Variants in MYO15B observed in about 807,000 individuals in gnomAD.
The protein encoded by MYO15B is myosin XVB, also known as myosin XVB pseudogene.
Under a neutral mutation model 119.3 loss-of-function variants are expected in MYO15B, and 207 were observed. The observed-to-expected ratio is 1.73, with a 90% CI of 1.55 to 1.95. MYO15B has a LOEUF of 1.95. Ranked by LOEUF, MYO15B falls within the 30% of genes most tolerant of loss-of-function variation. MYO15B has a pLI of 0.00. For missense variants in MYO15B, 2,264 were observed against 1,203.1 expected (o/e 1.88, Z -13.04); for synonymous variants, 966 against 498.9 (o/e 1.94, Z -12.48).
intron 63 of MYO15B, 53 bp downstream of exon 63, chr17:75,626,281 C>A: frequency 1.4e-6 from 1 of 699,320 alleles, no homozygotes; most frequent in South Asian, 1.5e-5. Flanking sequence ...AGGGCCTTGC[C>A]CCAGCATGGC....
chr17:75,618,998 T>C (rs1370565387), intron 43 of MYO15B, 145 bp from the exon 44 acceptor site: 1 of 627,838 alleles, frequency 1.6e-6, no homozygotes. Context: ...CTGCCCCACC[T>C]AGGCCCTCTG....
exon 41 of MYO15B, chr17:75,617,233 C>G: frequency 1.4e-6 from 1 of 697,786 alleles, no homozygotes; most frequent in Non-Finnish European, 2.6e-6. Context: ...ATTGCCCACA[C>G]ACCCCCACCT....
exon 52 of MYO15B, chr17:75,621,520 T>A (rs2148116348): frequency 2.8e-6 from 2 of 702,428 alleles, no homozygotes; most frequent in East Asian, 5.4e-5. Context: ...CAGGAGTCGC[T>A]CCTCAGCCTC....
exon 5 of MYO15B, chr17:75,591,703 A>C (rs936056): frequency 1.4e-6 from 1 of 702,742 alleles, no homozygotes; most frequent in Non-Finnish European, 2.6e-6. Context: ...CGGGGAACCG[A>C]GAGTGTCAGG....
chr17:75,625,352 A>G (rs820188), intron 60 of MYO15B, 114 bp downstream of exon 60: 607,743 of 638,456 alleles, frequency 0.95, 292,300 homozygotes, highest in East Asian at 1. Context: ...GGGGCCTGTG[A>G]ACATCTGTCC....
At chr17:75,610,076 C>A in intron 21 of MYO15B, 90 bp from the exon 22 acceptor site, 1 of 555,192 alleles carries the variant, frequency 1.8e-6, no homozygotes. Context: ...TCAGTTTTTA[C>A]ATGAATGTCA....
chr17:75,620,762 C>A (rs1020422815), intron 49 of MYO15B, 126 bp downstream of exon 49: 7 of 698,982 alleles, frequency 1.0e-5, no homozygotes, highest in Non-Finnish European at 1.3e-5. Context: ...CCTGTGGCTG[C>A]CCCTCTGCCC....
chr17:75,617,553 C>T, intron 41 of MYO15B: 3 of 396,848 alleles, frequency 7.6e-6, no homozygotes, highest in Non-Finnish European at 1.4e-5. Context: ...CTGACACATA[C>T]CCGACAGCTC....
At chr17:75,600,175 C>T (rs922266616) in intron 14 of MYO15B, among the ~76,000 whole-genome samples, 5 of 151,016 alleles carry the variant, frequency 3.3e-5, no homozygotes, top group Admixed American at 2.0e-4. Flanking sequence ...CGCAGGTGCC[C>T]GCCACCATGC....
exon 3 of MYO15B, chr17:75,590,965 C>T: frequency 1.8e-6 from 1 of 565,176 alleles, no homozygotes; most frequent in Non-Finnish European, 3.2e-6. Context: ...CCTCTTTTTT[C>T]ACCTGAGGTC....
Position 75,621,416 on chromosome 17 carries a change from A to C in MYO15B, c.7935+8A>C, listed in dbSNP as rs1598918043. On this transcript the variant is annotated splice_region_variant and intron_variant, in intron 51 of 63. Transcript: ENST00000645453. ...CTGGTGCAGTACACCAAGGTGGGAG[A>C]GAGGCAGGGAGGGGTCTGGCCCGTA... 5.7e-6 allele frequency: 4 copies of C among 699,576 alleles called. No homozygotes were observed. The highest frequency in any genetic ancestry group is 1.0e-5 in the Non-Finnish European group (4 of 382,442). 43.3% of individuals were successfully genotyped at this position (699,576 alleles called of 1,614,324 possible). A position where few individuals can be genotyped will look rare whatever the true frequency, so the allele number is the denominator to read the frequency against.
In MYO15B at chr17:75,624,287, TGGGCATTGTG is replaced by T. The variant is rs770733958; in HGVS notation, c.8367+21_8367+30del. ...CTTTCCTGGTACTGGGGGTGGCGGA[TGGGCATTGTG>T]GGACACCCTGGGGTGGGGAGTGTCT... On this transcript the variant is annotated intron_variant, in intron 56 of 63. Coordinates refer to ENST00000645453, the Ensembl canonical transcript of MYO15B. 2 of 702,834 alleles carry T rather than the reference TGGGCATTGTG, an allele frequency of 2.8e-6. No homozygotes were observed. The highest frequency in any genetic ancestry group is 3.0e-5 in the South Asian group (2 of 67,592). 43.5% of individuals were successfully genotyped at this position (702,834 alleles called of 1,614,324 possible). A position where few individuals can be genotyped will look rare whatever the true frequency, so the allele number is the denominator to read the frequency against.
intron 21 of MYO15B, 121 bp from the exon 22 acceptor site, chr17:75,610,045 C>T: frequency 1.9e-6 from 1 of 540,208 alleles, no homozygotes; most frequent in African/African-American, 1.9e-5. Flanking sequence ...GTGAAGCATC[C>T]AGGGCTTCTC....
At chr17:75,610,839 G>A (rs934901819) in intron 22 of MYO15B, 61 bp from the exon 23 acceptor site, 6 of 702,276 alleles carry the variant, frequency 8.5e-6, no homozygotes, top group Admixed American at 6.0e-5. Flanking sequence ...TCAGAGCTGG[G>A]GAGGTGCCCC....
intron 8 of MYO15B, 65 bp from the exon 9 acceptor site, chr17:75,592,614 A>G (rs1003228794): frequency 1.5e-6 from 1 of 647,072 alleles, no homozygotes; most frequent in Non-Finnish European, 2.8e-6. Flanking sequence ...TCTGAGGAGT[A>G]GCCGGAGTAG....
At chr17:75,625,697 G>A (rs1430018990) in intron 61 of MYO15B, 37 bp downstream of exon 61, 11 of 702,220 alleles carry the variant, frequency 1.6e-5, no homozygotes, top group African/African-American at 3.5e-5. Context: ...GGTGGGGGCT[G>A]GAGGCCAAGA....
intron 19 of MYO15B, among the ~76,000 whole-genome samples, chr17:75,603,612 C>T (rs1355488331): frequency 1.3e-5 from 2 of 151,382 alleles, no homozygotes; most frequent in Non-Finnish European, 2.9e-5. Context: ...CTGCCCTAGG[C>T]GGGGCTCACG....
intron 21 of MYO15B, among the ~76,000 whole-genome samples, chr17:75,607,770 C>T (rs925468784): frequency 2.0e-5 from 3 of 151,784 alleles, no homozygotes; most frequent in Non-Finnish European, 4.4e-5. Context: ...CTGTTCTAGT[C>T]TGTTTACAAA....
At chr17:75,588,748 G>A (rs1450881939) in exon 1 of MYO15B, 8 of 398,768 alleles carry the variant, frequency 2.0e-5, no homozygotes, top group Non-Finnish European at 3.5e-5. Flanking sequence ...GGGGCCCCTG[G>A]GAGCCAGCGA....
Sources: allele counts gnomAD v4.1 joint callset (sites outside exome capture counted in the v4.1 genomes callset), GRCh38; gene constraint gnomAD v4.1.1; transcripts MANE v1.5; gene names NCBI Gene and HGNC (gene_info 2026-07-23, HGNC 2026-07-21).